Variants in SKI observed in about 807,000 individuals in gnomAD.
The protein encoded by SKI is SKI proto-oncogene, also known as ski oncogene.
SKI carries 23 observed loss-of-function variants against 59.3 expected under a neutral mutation model. The observed-to-expected ratio is 0.39, with a 90% CI of 0.28 to 0.55. The LOEUF is 0.55. SKI is among the 20% of genes least tolerant of loss of function. SKI has a pLI of 0.67. For missense variants in SKI, 1,017 were observed against 1,038.9 expected (o/e 0.98, Z 0.29); for synonymous variants, 673 against 488.6 (o/e 1.38, Z -4.98).
At chr1:2,293,866 C>A (rs1268551488) in intron 1 of SKI, among the ~76,000 whole-genome samples, 1 of 152,236 alleles carries the variant, frequency 6.6e-6, no homozygotes, top group African/African-American at 2.4e-5. Flanking sequence ...TTCCCGGAAT[C>A]TGTCGTGGGT....
rs1313492083 is a variant in SKI at position 2,228,895 on chromosome 1, G to A, written c.129G>A (p.Ala43=). 12 of 1,422,052 alleles carry A rather than the reference G, an allele frequency of 8.4e-6. No individual in the cohort carries two copies. Among genetic ancestry groups the A allele is most frequent in the Non-Finnish European group, 1.1e-5 (12 of 1,083,614 alleles). 88.1% of individuals were successfully genotyped at this position (1,422,052 alleles called of 1,614,324 possible). Reference sequence around the variant, plus strand: ...CGGCCGCTTTCTCGGCGCGCTGGGCGCAGGAGGCCTACAAGAAGGAGAGCG... The same window carrying A: ...CGGCCGCTTTCTCGGCGCGCTGGGCACAGGAGGCCTACAAGAAGGAGAGCG... ...GGPAAFSARW[A]QEAYKKESAK... is the part of the protein sequence containing the mutation. Residue 43 remains alanine, a synonymous_variant, in exon 1 of 7, where the codon GCG becomes GCA. Coordinates refer to ENST00000378536, the MANE Select transcript of SKI (RefSeq NM_003036.4).
chr1:2,289,067 G>C (rs1321410130), intron 1 of SKI, among the ~76,000 whole-genome samples: 1 of 152,200 alleles, frequency 6.6e-6, no homozygotes, highest in Non-Finnish European at 1.5e-5. Context: ...CCGGGAAGTG[G>C]AGCTGGGGGA....
chr1:2,228,798 T>A lies in SKI; in HGVS notation c.32T>A (p.Phe11Tyr). The A allele has an allele frequency of 7.5e-7, 1 of 1,335,018 alleles. No homozygotes were observed. Among genetic ancestry groups the A allele is most frequent in the South Asian group, 1.5e-5 (1 of 66,146 alleles). 82.7% of individuals were successfully genotyped at this position (1,335,018 alleles called of 1,614,324 possible). A position where few individuals can be genotyped will look rare whatever the true frequency, so the allele number is the denominator to read the frequency against. Residue 11 changes from phenylalanine (F) to tyrosine (Y), a missense_variant, in exon 1 of 7, where the codon TTC becomes TAC. Transcript: ENST00000378536. ...GCGGCGGCAGGCGGCCGCGGCTGTTTCCAGCCGCACCCGGGGCTGCAGAAG... is the reference window on the plus strand; with the variant it reads ...GCGGCGGCAGGCGGCCGCGGCTGTTACCAGCCGCACCCGGGGCTGCAGAAG... MEAAAGGRGC[F>Y]QPHPGLQKTL...
chr1:2,305,925 G>A (rs916297838), intron 5 of SKI, 95 bp from the exon 6 acceptor site: 5 of 977,772 alleles, frequency 5.1e-6, no homozygotes, highest in Admixed American at 2.0e-5. Context: ...TTGTCAGATA[G>A]ATGACCCCAC....
At chr1:2,283,281 G>C (rs1214487777) in intron 1 of SKI, among the ~76,000 whole-genome samples, 2 of 152,236 alleles carry the variant, frequency 1.3e-5, no homozygotes, top group Admixed American at 6.5e-5. Context: ...AGTCTCCCCA[G>C]CACGGAGCTC....
chr1:2,280,637 T>A (rs1217374370), intron 1 of SKI, among the ~76,000 whole-genome samples: 7 of 133,466 alleles, frequency 5.2e-5, no homozygotes, highest in African/African-American at 2.0e-4. Flanking sequence ...GCGGCGGCGA[T>A]CTTCAGAGAG....
At position 2,309,735 on chromosome 1, in the gene SKI, AACCCCGGCCCCCCCACCCCC is replaced by A. The variant is rs1640700313; in HGVS notation, c.*2971_*2990del. On this transcript the variant is annotated 3_prime_UTR_variant, in exon 7 of 7. Transcript: ENST00000378536. Reference sequence around the variant, plus strand: ...CCACCCCCTCCTCCCTGTGGGTCCGAACCCCGGCCCCCCCACCCCCTCCTCCCTGTGGGTCCGATCCCCGG... The same window carrying A: ...CCACCCCCTCCTCCCTGTGGGTCCGATCCTCCCTGTGGGTCCGATCCCCGG... The A allele has an allele frequency of 5.1e-5, 1 of 19,746 alleles. No homozygotes were observed. Among genetic ancestry groups the A allele is most frequent in the African/African-American group, 2.6e-4 (1 of 3,844 alleles). The allele number at this position is 19,746 out of a possible 1,614,324, so 1.2% of individuals were successfully genotyped here.
chr1:2,276,695 G>T (rs763330406), intron 1 of SKI, among the ~76,000 whole-genome samples: 2 of 152,246 alleles, frequency 1.3e-5, no homozygotes, highest in Non-Finnish European at 2.9e-5. Context: ...CCAACCTGGG[G>T]TGTTCCACCA....
intron 1 of SKI, among the ~76,000 whole-genome samples, chr1:2,277,133 A>C (rs1451338337): frequency 6.6e-6 from 1 of 152,214 alleles, no homozygotes; most frequent in Non-Finnish European, 1.5e-5. Flanking sequence ...TAAACCTTTC[A>C]AACTTAAAAC....
intron 1 of SKI, among the ~76,000 whole-genome samples, chr1:2,262,417 G>T (rs531438096): frequency 2.7e-5 from 4 of 149,564 alleles, no homozygotes; most frequent in African/African-American, 4.9e-5. Flanking sequence ...GGAAGGCGTG[G>T]AGTCAGAGTT....
At chr1:2,236,393 T>A (rs1027534061) in intron 1 of SKI, among the ~76,000 whole-genome samples, 3 of 152,276 alleles carry the variant, frequency 2.0e-5, no homozygotes, top group East Asian at 3.9e-4. Context: ...GAATGCTGTT[T>A]CTTTTCTCAC....
At position 2,303,762 on chromosome 1, in the gene SKI, G is replaced by A; in HGVS notation, c.1212-78G>A. The A allele has an allele frequency of 6.4e-7, 1 of 1,557,372 alleles. No individual in the cohort carries two copies. The highest frequency in any genetic ancestry group is 8.8e-7 in the Non-Finnish European group (1 of 1,142,734). ...AAGTCTTTCCTGTTTAACACCTTCAGAGGGGGTGTGCGCCAGGATGTGTCT... is the reference window on the plus strand; with the variant it reads ...AAGTCTTTCCTGTTTAACACCTTCAAAGGGGGTGTGCGCCAGGATGTGTCT... On this transcript the variant is annotated intron_variant, in intron 3 of 6. Coordinates refer to ENST00000378536, the MANE Select transcript of SKI (RefSeq NM_003036.4). This position sits in a 1 kb window ranked among gnomAD's most constrained non-coding sequence, Gnocchi z 5.6.
Position 2,263,274 on chromosome 1 carries a change from G to T in SKI, c.969+33539G>T, listed in dbSNP as rs1391379905. ...TTTTTTGGAGACGGAGTCTTGCTCT[G>T]TCGCCCAGGCTGGAGTGCAGTGACA... On this transcript the variant is annotated intron_variant, in intron 1 of 6. Transcript: ENST00000378536. 2.4e-5 allele frequency among the ~76,000 whole-genome samples: 3 copies of T among 124,698 alleles called. No individual in the cohort carries two copies. In the Admixed American group the frequency reaches 2.7e-4, roughly 11 times the overall value. 81.8% of individuals were successfully genotyped at this position (124,698 alleles called of 152,430 possible).
intron 1 of SKI, among the ~76,000 whole-genome samples, chr1:2,293,634 A>C (rs1313518831): frequency 1.3e-5 from 2 of 152,036 alleles, no homozygotes; most frequent in Non-Finnish European, 1.5e-5. Context: ...TCTCCTTCTC[A>C]TTCCCCCGTG....
chr1:2,294,043 C>T (rs1640229524), intron 1 of SKI, among the ~76,000 whole-genome samples: 1 of 152,168 alleles, frequency 6.6e-6, no homozygotes, highest in African/African-American at 2.4e-5. Context: ...TGGAGGGGTG[C>T]TCATCTCATG....
chr1:2,248,430 C>T (rs1003190157), intron 1 of SKI, among the ~76,000 whole-genome samples: 2 of 152,196 alleles, frequency 1.3e-5, no homozygotes, highest in South Asian at 2.1e-4. Flanking sequence ...TGAGGGGCGC[C>T]GCAGGGTGGC....
intron 1 of SKI, among the ~76,000 whole-genome samples, chr1:2,285,458 T>G (rs186896598): frequency 8.6e-5 from 13 of 151,240 alleles, no homozygotes; most frequent in Non-Finnish European, 1.5e-4. Context: ...GAGGTTGCAG[T>G]GAGCTGAGAT....
intron 1 of SKI, among the ~76,000 whole-genome samples, chr1:2,261,056 T>C (rs909849885): frequency 6.6e-6 from 1 of 152,244 alleles, no homozygotes; most frequent in African/African-American, 2.4e-5. Context: ...CAGTGGAGTT[T>C]GTTGTAAAGA....
chr1:2,305,581 T>G (rs58351713), intron 5 of SKI, among the ~76,000 whole-genome samples: 3,497 of 150,578 alleles, frequency 0.023, 56 homozygotes, highest in African/African-American at 0.049. Flanking sequence ...ATGGGGAGAG[T>G]GGGGGGGCTT....
Sources: gnomAD v4.1 joint callset for allele counts (sites outside exome capture counted in the v4.1 genomes callset) on GRCh38, gnomAD v4.1.1 for gene constraint, Gnocchi (gnomAD v3.1) non-coding constraint, MANE v1.5 for transcripts, NCBI Gene and HGNC (gene_info 2026-07-23, HGNC 2026-07-21) for gene names.